Variants in CD2AP observed in about 807,000 individuals in gnomAD.
The protein encoded by CD2AP is CD2 associated protein, also known as CD2-associated protein.
CD2AP carries 46 observed loss-of-function variants against 85.1 expected under a neutral mutation model. The observed-to-expected ratio is 0.54, with a 90% confidence interval of 0.43 to 0.69. CD2AP has a LOEUF of 0.69. Among genes scored for constraint, CD2AP ranks in the 30% least tolerant of loss-of-function variants. CD2AP has a pLI of 0.00. For synonymous variants in CD2AP, 255 were observed against 252.9 expected (o/e 1.01, Z -0.08); for missense variants, 769 against 729.5 (o/e 1.05, Z -0.62).
At chr6:47,519,746 T>G (rs1042813522) in intron 2 of CD2AP, among the ~76,000 whole-genome samples, 1 of 152,236 alleles carries the variant, frequency 6.6e-6, no homozygotes, top group African/African-American at 2.4e-5. Context: ...ATCACCTAAA[T>G]TATAAAATTA....
chr6:47,601,663 TA>T, intron 13 of CD2AP, among the ~76,000 whole-genome samples: 2 of 152,122 alleles, frequency 1.3e-5, no homozygotes, highest in African/African-American at 4.8e-5. Flanking sequence ...ATTAGTAATA[TA>T]AAAGTGTTCT....
chr6:47,516,246 G>T (rs1334223642), intron 2 of CD2AP, among the ~76,000 whole-genome samples: 1 of 152,198 alleles, frequency 6.6e-6, no homozygotes, highest in Non-Finnish European at 1.5e-5. Context: ...TTTTCATGTG[G>T]CGGCACAACC....
chr6:47,501,100 A>C (rs1765986651), intron 1 of CD2AP, among the ~76,000 whole-genome samples: 1 of 152,294 alleles, frequency 6.6e-6, no homozygotes, highest in South Asian at 2.1e-4. Context: ...GAATTCATTC[A>C]TCTCAGCTGG....
intron 4 of CD2AP, among the ~76,000 whole-genome samples, chr6:47,545,305 C>T (rs571734432): frequency 6.6e-6 from 1 of 152,210 alleles, no homozygotes; most frequent in African/African-American, 2.4e-5. Context: ...CAAACTGCTC[C>T]AGTAGGACCT....
intron 5 of CD2AP, among the ~76,000 whole-genome samples, chr6:47,560,370 A>G (rs1767823541): frequency 6.6e-6 from 1 of 151,568 alleles, no homozygotes; most frequent in South Asian, 2.1e-4. Context: ...CCTTTTTTTT[A>G]TTATTCCAGC....
intron 14 of CD2AP, among the ~76,000 whole-genome samples, chr6:47,606,523 C>T (rs1412836511): frequency 1.3e-5 from 2 of 151,930 alleles, no homozygotes; most frequent in East Asian, 3.9e-4. Context: ...AGCACAGGGT[C>T]AAAGGGTGAC....
chr6:47,523,410 T>C (rs954027788), intron 2 of CD2AP, among the ~76,000 whole-genome samples: 1 of 152,148 alleles, frequency 6.6e-6, no homozygotes, highest in Non-Finnish European at 1.5e-5. Context: ...CTTAAGTATA[T>C]GCAATTTTTA....
chr6:47,554,751 G>A lies in CD2AP; in HGVS notation c.526G>A (p.Ala176Thr), dbSNP rs1249448032. Residue 176 changes from alanine (A) to threonine (T), a missense_variant, in exon 5 of 18, where the codon GCC becomes ACC. Transcript: ENST00000359314. ...EVTDDGETHE[A>T]QDDSETVLAG... ...AACAGATGATGGTGAAACTCATGAA[G>A]CCCAGGACGATTCAGGTAGACTATT... The A allele has an allele frequency of 6.2e-7, 1 of 1,612,536 alleles. No individual in the cohort carries two copies. Among genetic ancestry groups the A allele is most frequent in the Non-Finnish European group, 8.5e-7 (1 of 1,179,178 alleles).
chr6:47,624,084 C>A, intron 17 of CD2AP, 102 bp from the exon 18 acceptor site: 1 of 992,982 alleles, frequency 1.0e-6, no homozygotes, highest in Non-Finnish European at 1.6e-6. Context: ...GAAAAAAAGT[C>A]TGAAGGCTTG....
At chr6:47,546,215 TG>T (rs1767360853) in intron 4 of CD2AP, among the ~76,000 whole-genome samples, 1 of 152,044 alleles carries the variant, frequency 6.6e-6, no homozygotes, top group South Asian at 2.1e-4. Context: ...CAAAATGCTG[TG>T]GGAAGTTTCA....
At chr6:47,611,389 A>G (rs961542200) in intron 16 of CD2AP, among the ~76,000 whole-genome samples, 4 of 150,924 alleles carry the variant, frequency 2.7e-5, no homozygotes, top group Non-Finnish European at 4.4e-5. Flanking sequence ...GAGGGGGGGA[A>G]TAGGATTAAG....
intron 12 of CD2AP, among the ~76,000 whole-genome samples, chr6:47,598,071 C>T (rs566595639): frequency 6.6e-6 from 1 of 150,902 alleles, no homozygotes; most frequent in African/African-American, 2.4e-5. Context: ...GAAACAATCC[C>T]ATCAGAAACT....
intron 5 of CD2AP, among the ~76,000 whole-genome samples, chr6:47,571,894 A>G (rs954428388): frequency 3.3e-5 from 5 of 152,166 alleles, no homozygotes; most frequent in African/African-American, 1.2e-4. Context: ...ATGTGCAAAT[A>G]ACTTACCTGC....
intron 1 of CD2AP, among the ~76,000 whole-genome samples, chr6:47,500,772 A>T (rs1582481075): frequency 2.1e-5 from 3 of 142,814 alleles, no homozygotes; most frequent in African/African-American, 7.9e-5. Context: ...TTTGAGACGG[A>T]GTCCTGCCCT....
At chr6:47,558,408 A>G (rs1767753680) in intron 5 of CD2AP, among the ~76,000 whole-genome samples, 1 of 152,212 alleles carries the variant, frequency 6.6e-6, no homozygotes, top group South Asian at 2.1e-4. Flanking sequence ...GCCGGTTTTC[A>G]CAGGGAATGC....
At chr6:47,533,369 C>A (rs1766940243) in intron 2 of CD2AP, among the ~76,000 whole-genome samples, 1 of 152,058 alleles carries the variant, frequency 6.6e-6, no homozygotes, top group South Asian at 2.1e-4. Context: ...GGGGTTTGAG[C>A]CTCTCTTTCC....
chr6:47,534,589 C>T (rs576403036), intron 3 of CD2AP, among the ~76,000 whole-genome samples: 9 of 152,172 alleles, frequency 5.9e-5, no homozygotes, highest in African/African-American at 2.2e-4. Context: ...CCTGTAATTC[C>T]AGCTACTTGG....
Position 47,625,877 on chromosome 6 carries a change from G to A in CD2AP, c.*1650G>A, listed in dbSNP as rs972905438. 4.0e-5 allele frequency: 6 copies of A among 151,722 alleles called. No homozygotes were observed. Among genetic ancestry groups the A allele is most frequent in the African/African-American group, 9.7e-5 (4 of 41,396 alleles). 9.4% of individuals were successfully genotyped at this position (151,722 alleles called of 1,614,324 possible). ...TATACATTAGAACTCTTCAAAATGGGCTCTTCTAATGAGGTCACTACTGAA... is the reference window on the plus strand; with the variant it reads ...TATACATTAGAACTCTTCAAAATGGACTCTTCTAATGAGGTCACTACTGAA... On this transcript the variant is annotated 3_prime_UTR_variant, in exon 18 of 18. Coordinates refer to ENST00000359314, the MANE Select transcript of CD2AP (RefSeq NM_012120.3).
intron 8 of CD2AP, among the ~76,000 whole-genome samples, chr6:47,577,670 A>G (rs966213515): frequency 6.6e-6 from 1 of 152,220 alleles, no homozygotes; most frequent in Non-Finnish European, 1.5e-5. Context: ...AATAACTAGT[A>G]TTATGGGAAA....
Sources: gnomAD v4.1 joint callset for allele counts (sites outside exome capture counted in the v4.1 genomes callset) on GRCh38, gnomAD v4.1.1 for gene constraint, MANE v1.5 for transcripts, NCBI Gene and HGNC (gene_info 2026-07-23, HGNC 2026-07-21) for gene names.